The following GPC1 variants were observed in gnomAD, a reference collection of about 807,000 sequenced individuals.
GPC1 encodes the protein glypican-1.
A neutral mutation model predicts 51.5 loss-of-function variants in GPC1; 26 were observed. The ratio of observed to expected loss-of-function variants is 0.50; its 90% CI spans 0.37 to 0.70. The LOEUF (loss-of-function observed/expected upper bound fraction) is 0.70. Ranked by LOEUF, GPC1 falls within the 30% of genes least tolerant of loss-of-function variation. The probability of loss-of-function intolerance (pLI) is 0.00; values close to 1 mark genes in which losing one functional copy is unlikely to be tolerated. For missense variants in GPC1, 775 were observed against 800.5 expected (o/e 0.97, Z 0.38); for synonymous variants, 380 against 348.3 (o/e 1.09, Z -1.01).
chr2:240,449,323 A>T (rs372053934), intron 1 of GPC1: 1 of 69,458 alleles, frequency 1.4e-5, no homozygotes, highest in Admixed American at 1.4e-4. Flanking sequence ...GCCCCCCCCC[A>T]CCCCCACGCT....
intron 1 of GPC1, chr2:240,450,430 G>A (rs1046276379): frequency 5.5e-6 from 2 of 362,118 alleles, no homozygotes; most frequent in Non-Finnish European, 1.1e-5. Flanking sequence ...GCCCCGTGCT[G>A]CTACTCCTAG....
intron 1 of GPC1, among the ~76,000 whole-genome samples, chr2:240,441,818 C>G (rs910559296): frequency 1.8e-4 from 27 of 152,306 alleles, no homozygotes; most frequent in African/African-American, 6.0e-4. Context: ...CCCTCCACCT[C>G]CAGGCCCCAC....
chr2:240,465,869 G>A (rs1462325345), intron 8 of GPC1, among the ~76,000 whole-genome samples, 189 bp from the exon 9 acceptor site: 1 of 152,218 alleles, frequency 6.6e-6, no homozygotes, highest in Non-Finnish European at 1.5e-5. Flanking sequence ...TGGCTCCAGG[G>A]ACCAAGGGAG....
chr2:240,465,019 C>A (rs1477264547), intron 6 of GPC1, 44 bp downstream of exon 6: 2 of 1,576,474 alleles, frequency 1.3e-6, no homozygotes, highest in East Asian at 4.6e-5. Flanking sequence ...ATGAGGGAGG[C>A]AGACAGGCAG....
At chr2:240,441,189 C>T (rs897774091) in intron 1 of GPC1, among the ~76,000 whole-genome samples, 4 of 152,386 alleles carry the variant, frequency 2.6e-5, no homozygotes, top group South Asian at 4.1e-4. Flanking sequence ...ACCTGGTGGC[C>T]GAACCGCAGG....
At chr2:240,454,423 A>C (rs1441109251) in intron 1 of GPC1, among the ~76,000 whole-genome samples, 1 of 152,166 alleles carries the variant, frequency 6.6e-6, no homozygotes, top group African/African-American at 2.4e-5. Context: ...GTCCGAGAGC[A>C]GATGGGCCAG....
At chr2:240,455,335 C>T (rs971027963) in intron 1 of GPC1, among the ~76,000 whole-genome samples, 4 of 152,224 alleles carry the variant, frequency 2.6e-5, no homozygotes, top group Non-Finnish European at 5.9e-5. Flanking sequence ...GCTACAGCAA[C>T]TTCAGCCCAG....
intron 2 of GPC1, among the ~76,000 whole-genome samples, chr2:240,461,063 C>G (rs2074210888): frequency 6.6e-6 from 1 of 150,624 alleles, no homozygotes; most frequent in South Asian, 2.1e-4. Flanking sequence ...CTGGATTTGG[C>G]CCATGGCCCT....
chr2:240,443,674 C>T (rs1387347834), intron 1 of GPC1, among the ~76,000 whole-genome samples: 1 of 152,210 alleles, frequency 6.6e-6, no homozygotes, highest in Non-Finnish European at 1.5e-5. Context: ...AACTAGGCCT[C>T]CTGGTGGGCT....
In GPC1 at chr2:240,466,697, G is replaced by A. The variant is rs1474705942; in HGVS notation, c.*407G>A. ...CCGCCTCCTCCCACTGGGACTCCCA[G>A]CAGAGCCCACCAGCCAGCCCTGGCC... On this transcript the variant is annotated 3_prime_UTR_variant, in exon 9 of 9. Coordinates refer to ENST00000264039, the MANE Select transcript of GPC1 (RefSeq NM_002081.3). 3 of 180,868 alleles carry A rather than the reference G, an allele frequency of 1.7e-5. No individual in the cohort carries two copies. Among genetic ancestry groups the A allele is most frequent in the African/African-American group, 4.7e-5 (2 of 42,424 alleles). The allele number at this position is 180,868 out of a possible 1,614,324, so 11.2% of individuals were successfully genotyped here.
At chr2:240,456,024 G>C (rs998903950) in intron 1 of GPC1, 1 of 430,060 alleles carries the variant, frequency 2.3e-6, no homozygotes, top group Non-Finnish European at 4.7e-6. Flanking sequence ...CTCTGGCTCC[G>C]TGTCTTCACT....
chr2:240,465,101 C>T lies in GPC1; in HGVS notation c.1159C>T (p.Arg387Cys), dbSNP rs751554964. The change falls in exon 7 of 9, where the codon CGC (arginine) becomes TGC (cysteine). Residue 387 changes from arginine (R) to cysteine (C), a missense_variant. Transcript: ENST00000264039. ...KLVSEAKAQL[R>C]DVQDFWISLP... Reference sequence around the variant, plus strand: ...GGTCTCCGAAGCCAAGGCCCAGCTCCGCGACGTCCAGGACTTCTGGATCAG... The same window carrying T: ...GGTCTCCGAAGCCAAGGCCCAGCTCTGCGACGTCCAGGACTTCTGGATCAG... The T allele has an allele frequency of 1.1e-5, 17 of 1,609,656 alleles. No individual in the cohort carries two copies. Among genetic ancestry groups the T allele is most frequent in the South Asian group, 8.9e-5 (8 of 90,348 alleles).
chr2:240,462,726 C>T, intron 3 of GPC1, 144 bp downstream of exon 3: 1 of 693,826 alleles, frequency 1.4e-6, no homozygotes, highest in Non-Finnish European at 2.3e-6. Context: ...CTCAGTCCCT[C>T]CTGCATTGGC....
Position 240,467,149 on chromosome 2 carries a change from C to G in GPC1, c.*859C>G, listed in dbSNP as rs2074269571. The G allele has an allele frequency of 6.6e-6, 1 of 152,296 alleles. No homozygotes were observed. Among genetic ancestry groups the G allele is most frequent in the Admixed American group, 6.5e-5 (1 of 15,288 alleles). The allele number at this position is 152,296 out of a possible 1,614,324, so 9.4% of individuals were successfully genotyped here. A position where few individuals can be genotyped will look rare whatever the true frequency, so the allele number is the denominator to read the frequency against. ...CCGAGGGCTGAGGAGCAGCCAGGAC[C>G]CGCCTGCTCCCATCCTCACCCAGAT... On this transcript the variant is annotated 3_prime_UTR_variant, in exon 9 of 9. Transcript: ENST00000264039.
rs879122059 is a variant in GPC1, at chr2:240,464,389, C to T, written c.884-227C>T. ...AATGGCCTCTGTGTATGTGCGTGTT[C>T]ACCTGTGCCCGTGGCACAGGTGCAC... On this transcript the variant is annotated intron_variant, in intron 4 of 8. Transcript: ENST00000264039. 4.9e-5 allele frequency: 27 copies of T among 554,512 alleles called. No homozygotes were observed. In the South Asian group the frequency reaches 5.2e-4, roughly 11 times the overall value. 34.3% of individuals were successfully genotyped at this position (554,512 alleles called of 1,614,324 possible). A position where few individuals can be genotyped will look rare whatever the true frequency, so the allele number is the denominator to read the frequency against.
At position 240,448,097 on chromosome 2, in the gene GPC1, G is replaced by A. The variant is rs988472813; in HGVS notation, c.167-10933G>A. Among the ~76,000 whole-genome samples the A allele has an allele frequency of 6.6e-6, 1 of 152,196 alleles. No individual in the cohort carries two copies. The highest frequency in any genetic ancestry group is 1.5e-5 in the Non-Finnish European group (1 of 68,030). ...GAGGCGCTCTCGAGCCCGCCTTGAG[G>A]GTGGCAGCTGGTTTTCAGGAAGAGA... On this transcript the variant is annotated intron_variant, in intron 1 of 8. Transcript: ENST00000264039. This position sits in a 1 kb window ranked among gnomAD's most constrained non-coding sequence, Gnocchi z 4.5.
chr2:240,453,762 G>C (rs1474844353), intron 1 of GPC1, among the ~76,000 whole-genome samples: 1 of 151,836 alleles, frequency 6.6e-6, no homozygotes, highest in Admixed American at 6.6e-5. Context: ...GCGGTTTGCC[G>C]TCTTCGTCCC....
At chr2:240,455,545 G>T (rs1047574072) in intron 1 of GPC1, among the ~76,000 whole-genome samples, 3 of 152,336 alleles carry the variant, frequency 2.0e-5, no homozygotes, top group African/African-American at 7.2e-5. Flanking sequence ...GAGGAGAAAG[G>T]CCAGGAAGGA....
Position 240,464,709 on chromosome 2 carries a change from A to G in GPC1, c.977A>G (p.Asn326Ser), listed in dbSNP as rs201247940. The G allele has an allele frequency of 2.5e-6, 4 of 1,612,000 alleles. No homozygotes were observed. In the Admixed American group the frequency reaches 5.0e-5, roughly 20 times the overall value. Residue 326 changes from asparagine (N) to serine (S), a missense_variant, in exon 5 of 9, where the codon AAC (asparagine) becomes AGC (serine). Physicochemically the swap from Asn to Ser is conservative, Grantham distance 46. Coordinates refer to ENST00000264039, the MANE Select transcript of GPC1 (RefSeq NM_002081.3). The part of the protein sequence containing the change: ...SVHTWLAEAI[N>S]ALQDNRDTLT... Reference sequence around the variant, plus strand: ...CACACGTGGCTGGCGGAGGCCATCAACGCCCTCCAGGACAACAGGGACACG... The same window carrying G: ...CACACGTGGCTGGCGGAGGCCATCAGCGCCCTCCAGGACAACAGGGACACG...
Sources: allele counts gnomAD v4.1 joint callset (sites outside exome capture counted in the v4.1 genomes callset), GRCh38; gene constraint gnomAD v4.1.1; non-coding constraint Gnocchi (gnomAD v3.1); transcripts MANE v1.5; gene names NCBI Gene and HGNC (gene_info 2026-07-23, HGNC 2026-07-21).